The following SLC13A2 variants were observed in gnomAD, a reference collection of about 807,000 sequenced individuals.
SLC13A2 encodes Na(+)-coupled citrate transporter.
In SLC13A2, 40 loss-of-function variants were observed where a neutral mutation model predicts 58.5. That is an observed-to-expected ratio of 0.68 (90% confidence interval 0.53 to 0.89). The LOEUF is 0.89. Among genes scored for constraint, SLC13A2 ranks in the 40% least tolerant of loss-of-function variants. The probability of loss-of-function intolerance (pLI) is 0.00; values close to 1 mark genes in which losing one functional copy is unlikely to be tolerated. For missense variants in SLC13A2, 694 were observed against 772.6 expected (o/e 0.90, Z 1.21); for synonymous variants, 341 against 331.6 (o/e 1.03, Z -0.31).
chr17:28,487,980 T>C (rs904654700), intron 1 of SLC13A2, among the ~76,000 whole-genome samples: 14 of 152,066 alleles, frequency 9.2e-5, no homozygotes, highest in Non-Finnish European at 1.6e-4. Flanking sequence ...TTTATCTGAG[T>C]TCCATCCAGG....
intron 1 of SLC13A2, among the ~76,000 whole-genome samples, chr17:28,483,300 A>G (rs1334400958): frequency 6.6e-6 from 1 of 151,920 alleles, no homozygotes; most frequent in African/African-American, 2.4e-5. Flanking sequence ...CCCAGCACCA[A>G]CCCTGCTATG....
At chr17:28,474,518 T>A (rs2068638961) in intron 1 of SLC13A2, among the ~76,000 whole-genome samples, 1 of 152,100 alleles carries the variant, frequency 6.6e-6, no homozygotes, top group Admixed American at 6.5e-5. Context: ...AGTAACCTTT[T>A]CCACCATCTT....
chr17:28,477,247 G>A (rs1257182143), intron 1 of SLC13A2, among the ~76,000 whole-genome samples: 4 of 138,106 alleles, frequency 2.9e-5, no homozygotes, highest in African/African-American at 1.1e-4. Flanking sequence ...AGGCTGGAGT[G>A]CAGTGGCACA....
intron 6 of SLC13A2, 96 bp downstream of exon 6, chr17:28,491,948 T>C: frequency 6.7e-7 from 1 of 1,501,234 alleles, no homozygotes; most frequent in Non-Finnish European, 8.9e-7. Context: ...ATTATCACCA[T>C]CCCAATGAGA....
chr17:28,490,629 G>C, intron 3 of SLC13A2, 39 bp downstream of exon 3: 1 of 1,588,324 alleles, frequency 6.3e-7, no homozygotes, highest in South Asian at 1.1e-5. Context: ...AGAACCTGAC[G>C]AGGAGATATT....
intron 6 of SLC13A2, 110 bp downstream of exon 6, chr17:28,491,962 C>T: frequency 6.9e-7 from 1 of 1,442,780 alleles, no homozygotes; most frequent in Non-Finnish European, 9.3e-7. Flanking sequence ...AATGAGAAGG[C>T]TTCTCCCTCC....
At chr17:28,480,173 G>A (rs372197072) in intron 1 of SLC13A2, among the ~76,000 whole-genome samples, 2 of 150,324 alleles carry the variant, frequency 1.3e-5, no homozygotes, top group African/African-American at 4.9e-5. Context: ...AAAAAGGGGG[G>A]GTCAAAAAAA....
chr17:28,477,389 T>A (rs1334198889), intron 1 of SLC13A2, among the ~76,000 whole-genome samples: 2 of 150,960 alleles, frequency 1.3e-5, no homozygotes, highest in African/African-American at 4.9e-5. Context: ...AGAGACGGGG[T>A]TTCACCGTGT....
Position 28,497,170 on chromosome 17 carries a change from C to A in SLC13A2, c.1680C>A (p.Ile560=), listed in dbSNP as rs144599177. 6.1e-4 allele frequency: 980 copies of A among 1,614,016 alleles called. No individual in the cohort carries two copies. The highest frequency in any genetic ancestry group is 7.6e-4 in the Non-Finnish European group (891 of 1,179,976). ...IIALAINSWG[I]PLFSLHSFPS... ...CACTGGCCATCAACAGCTGGGGCAT[C>A]CCCCTCTTCAGCCTGCACTCTTTCC... Residue 560 remains isoleucine, a synonymous_variant, in exon 12 of 12, where the codon ATC becomes ATA. Coordinates refer to ENST00000314669, the MANE Select transcript of SLC13A2 (RefSeq NM_003984.4).
Position 28,494,359 on chromosome 17 carries a change from T to G in SLC13A2, c.1187-32T>G. 1.9e-6 allele frequency: 3 copies of G among 1,614,158 alleles called. No individual in the cohort carries two copies. Among genetic ancestry groups the G allele is most frequent in the Non-Finnish European group, 2.5e-6 (3 of 1,180,018 alleles). ...AGAGGGGAAAGGCCTGTTTGTTCTTTGGTGACCCATCCTTCTCTGCTTGGG... is the reference window on the plus strand; with the variant it reads ...AGAGGGGAAAGGCCTGTTTGTTCTTGGGTGACCCATCCTTCTCTGCTTGGG... On this transcript the variant is annotated intron_variant, in intron 8 of 11. Transcript: ENST00000314669. This position sits in a 1 kb window ranked among gnomAD's most constrained non-coding sequence, Gnocchi z 4.0.
At chr17:28,477,401 A>T (rs371040278) in intron 1 of SLC13A2, among the ~76,000 whole-genome samples, 1 of 151,632 alleles carries the variant, frequency 6.6e-6, no homozygotes, top group African/African-American at 2.4e-5. Context: ...TCACCGTGTT[A>T]GCCAGGATGG....
chr17:28,485,899 G>A (rs1162459941), intron 1 of SLC13A2, among the ~76,000 whole-genome samples: 2 of 152,086 alleles, frequency 1.3e-5, no homozygotes, highest in African/African-American at 2.4e-5. Context: ...GGAGTCTGAG[G>A]CAAGAGAATT....
chr17:28,482,599 A>G (rs2068804195), intron 1 of SLC13A2, among the ~76,000 whole-genome samples: 1 of 152,098 alleles, frequency 6.6e-6, no homozygotes, highest in Non-Finnish European at 1.5e-5. Flanking sequence ...AAGTCTGACC[A>G]TGCCACTCTC....
intron 1 of SLC13A2, among the ~76,000 whole-genome samples, chr17:28,474,175 G>A (rs1289033228): frequency 1.3e-5 from 2 of 152,194 alleles, no homozygotes; most frequent in East Asian, 3.9e-4. Context: ...TGGGCTGGCT[G>A]TGGGGAGGGG....
chr17:28,483,646 A>T (rs936626589), intron 1 of SLC13A2, among the ~76,000 whole-genome samples: 161 of 152,000 alleles, frequency 1.1e-3, no homozygotes, highest in Non-Finnish European at 1.6e-3. Flanking sequence ...CTTAAAAAAA[A>T]TTTTTTTTAA....
intron 1 of SLC13A2, chr17:28,487,686 G>T (rs1357927038): frequency 3.3e-5 from 19 of 580,986 alleles, no homozygotes; most frequent in Admixed American, 1.9e-4. Context: ...AGTCATTGCG[G>T]GTGAGGAAAC....
At chr17:28,481,200 A>C (rs529581663) in intron 1 of SLC13A2, among the ~76,000 whole-genome samples, 1 of 152,254 alleles carries the variant, frequency 6.6e-6, no homozygotes, top group Non-Finnish European at 1.5e-5. Context: ...TCTTTAGTGC[A>C]TACAGGCAGG....
In SLC13A2 at chr17:28,489,347, G is replaced by GT. The variant is rs1555602676; in HGVS notation, c.231+5_231+6insT. On this transcript the variant is annotated splice_donor_region_variant and intron_variant, in intron 2 of 11. Transcript: ENST00000314669. ...GGCATCGTGGATGCCTCTGAGGTGA[G>GT]CCCCATCCATAGGAGAAAGCGTTCT... The GT allele has an allele frequency of 1.9e-6, 3 of 1,611,722 alleles. No homozygotes were observed. The highest frequency in any genetic ancestry group is 2.5e-6 in the Non-Finnish European group (3 of 1,178,918).
At chr17:28,476,257 T>C (rs1178047141) in intron 1 of SLC13A2, among the ~76,000 whole-genome samples, 2 of 152,134 alleles carry the variant, frequency 1.3e-5, no homozygotes, top group Non-Finnish European at 2.9e-5. Context: ...TCATTTCCCA[T>C]GTGTCCCACT....
Sources: gnomAD v4.1 joint callset for allele counts (sites outside exome capture counted in the v4.1 genomes callset) on GRCh38, gnomAD v4.1.1 for gene constraint, Gnocchi (gnomAD v3.1) non-coding constraint, MANE v1.5 for transcripts, NCBI Gene and HGNC (gene_info 2026-07-23, HGNC 2026-07-21) for gene names.